CCDC180: variants seen among roughly 807,000 people sequenced by gnomAD.
The protein encoded by CCDC180 is coiled-coil domain-containing protein 180.
A neutral mutation model predicts 209.2 loss-of-function variants in CCDC180; 154 were observed. The observed-to-expected ratio is 0.74, with a 90% CI of 0.65 to 0.84. The LOEUF is 0.84. Among genes scored for constraint, CCDC180 ranks in the 40% least tolerant of loss-of-function variants. The probability of loss-of-function intolerance (pLI) is 0.00; values close to 1 mark genes in which losing one functional copy is unlikely to be tolerated. For synonymous variants in CCDC180, 778 were observed against 749.1 expected (o/e 1.04, Z -0.63); for missense variants, 1,874 against 1,997.3 (o/e 0.94, Z 1.18).
intron 33 of CCDC180, 98 bp from the exon 34 acceptor site, chr9:97,371,497 C>T: frequency 3.1e-6 from 2 of 650,044 alleles, no homozygotes; most frequent in Non-Finnish European, 5.3e-6. Context: ...TGGCTTGGGT[C>T]CCCAGATCTC....
At chr9:97,317,682 G>A (rs926134587) in intron 9 of CCDC180, among the ~76,000 whole-genome samples, 1 of 152,128 alleles carries the variant, frequency 6.6e-6, no homozygotes, top group Non-Finnish European at 1.5e-5. Context: ...CCCTCCCATG[G>A]GAGGAGGTGT....
chr9:97,330,260 G>C, intron 17 of CCDC180, 62 bp from the exon 18 acceptor site: 1 of 1,606,052 alleles, frequency 6.2e-7, no homozygotes, highest in East Asian at 2.2e-5. Context: ...GGGTTGGGAG[G>C]CCCAATCCAG....
At position 97,318,363 on chromosome 9, in the gene CCDC180, G is replaced by A. The variant is rs1040257762; in HGVS notation, c.960-100G>A. 14 of 1,425,852 alleles carry A rather than the reference G, an allele frequency of 9.8e-6. No homozygotes were observed. The African/African-American group carries it at 1.8e-4, about 19-fold the overall frequency. The allele number at this position is 1,425,852 out of a possible 1,614,324, so 88.3% of individuals were successfully genotyped here. A position where few individuals can be genotyped will look rare whatever the true frequency, so the allele number is the denominator to read the frequency against. The stretch of plus-strand genomic sequence containing the variant: ...CTGGGGGTGGTGTTAGGGAAGGAGT[G>A]CTGAGGCTCTGAATGCTGTCACCAT... On this transcript the variant is annotated intron_variant, in intron 9 of 36. Coordinates refer to ENST00000529487, the MANE Select transcript of CCDC180 (RefSeq NM_020893.6).
intron 11 of CCDC180, among the ~76,000 whole-genome samples, chr9:97,321,193 GTA>G (rs1439514973): frequency 6.6e-6 from 1 of 152,178 alleles, no homozygotes; most frequent in African/African-American, 2.4e-5. Flanking sequence ...GGTAGGTTAG[GTA>G]TATTAAATGC....
At chr9:97,318,133 C>T (rs567561632) in intron 9 of CCDC180, among the ~76,000 whole-genome samples, 13 of 152,264 alleles carry the variant, frequency 8.5e-5, no homozygotes, top group African/African-American at 2.6e-4. Flanking sequence ...AAGGACTTGA[C>T]CAAAGTTACA....
intron 9 of CCDC180, among the ~76,000 whole-genome samples, chr9:97,318,103 A>G (rs1241718777): frequency 6.6e-6 from 1 of 152,198 alleles, no homozygotes; most frequent in Admixed American, 6.5e-5. Flanking sequence ...AGAAGAAGAA[A>G]CTGAGGTTCA....
chr9:97,347,915 C>T lies in CCDC180; in HGVS notation c.2674+426C>T, dbSNP rs541875588. Among the ~76,000 whole-genome samples, 5 of 152,268 alleles carry T rather than the reference C, an allele frequency of 3.3e-5. No individual in the cohort carries two copies. In the South Asian group the frequency reaches 1.0e-3, roughly 32 times the overall value. On this transcript the variant is annotated intron_variant, in intron 20 of 36. Coordinates refer to ENST00000529487, the MANE Select transcript of CCDC180 (RefSeq NM_020893.6). ...TATACAGCTTACCTGACCTCTCTGA[C>T]TCCTCTCTCACCTGCAGAAGGGGTT...
At chr9:97,354,504 A>T in intron 22 of CCDC180, 65 bp from the exon 23 acceptor site, 1 of 1,532,856 alleles carries the variant, frequency 6.5e-7, no homozygotes, top group East Asian at 2.3e-5. Flanking sequence ...CAGCCACAGT[A>T]TTTGGGATAG....
chr9:97,334,533 A>G (rs929610056), intron 18 of CCDC180, among the ~76,000 whole-genome samples: 2 of 152,186 alleles, frequency 1.3e-5, no homozygotes, highest in Admixed American at 1.3e-4. Flanking sequence ...TGCCTTCTCA[A>G]ACCAATGCTA....
At chr9:97,345,892 A>G (rs920680794) in intron 19 of CCDC180, 1 of 153,246 alleles carries the variant, frequency 6.5e-6, no homozygotes, top group Non-Finnish European at 1.5e-5. Context: ...ATTTCTAATA[A>G]GGTCCAATTC....
At chr9:97,361,919 C>T in intron 27 of CCDC180, 21 bp downstream of exon 27, 1 of 1,609,610 alleles carries the variant, frequency 6.2e-7, no homozygotes, top group Non-Finnish European at 8.5e-7. Flanking sequence ...CCAGGGTGCA[C>T]CTAAGGCTCT....
Position 97,366,833 on chromosome 9 carries a change from C to A in CCDC180, c.4189+133C>A, listed in dbSNP as rs1335987262. The A allele has an allele frequency of 5.5e-6, 5 of 903,968 alleles. No homozygotes were observed. The African/African-American group carries it at 6.8e-5, about 12-fold the overall frequency. The allele number at this position is 903,968 out of a possible 1,614,324, so 56.0% of individuals were successfully genotyped here. On this transcript the variant is annotated intron_variant, in intron 31 of 36. Coordinates refer to ENST00000529487, the MANE Select transcript of CCDC180 (RefSeq NM_020893.6). This position sits in a 1 kb window ranked among gnomAD's most constrained non-coding sequence, Gnocchi z 4.3. Reference sequence around the variant, plus strand: ...AAGAGCTTCCCTGTGAAAAGCTGACCTCTTAAAATTAGGTAAAAACAATAA... The same window carrying A: ...AAGAGCTTCCCTGTGAAAAGCTGACATCTTAAAATTAGGTAAAAACAATAA...
At chr9:97,313,195 G>A in intron 4 of CCDC180, 41 bp from the exon 5 acceptor site, 1 of 1,357,230 alleles carries the variant, frequency 7.4e-7, no homozygotes, top group Admixed American at 1.7e-5. Flanking sequence ...TTTCCTGAGA[G>A]CTCTGAAGGC....
rs1415940752 is a variant in CCDC180, at chr9:97,378,443, C to G, written c.*1549C>G. 3 of 152,350 alleles carry G rather than the reference C, an allele frequency of 2.0e-5. No homozygotes were observed. The highest frequency in any genetic ancestry group is 2.0e-4 in the Admixed American group (3 of 15,304). 9.4% of individuals were successfully genotyped at this position (152,350 alleles called of 1,614,324 possible). On this transcript the variant is annotated 3_prime_UTR_variant, in exon 37 of 37. Coordinates refer to ENST00000529487, the MANE Select transcript of CCDC180 (RefSeq NM_020893.6). ...ACATGTTCTAAACACACGGTCCTTG[C>G]ACACATACACAACTTGAGACCAACA...
rs1832839776 is a variant in CCDC180 at position 97,307,701 on chromosome 9, C to T, written c.-187C>T. 1.3e-6 allele frequency: 2 copies of T among 1,599,866 alleles called. No homozygotes were observed. The highest frequency in any genetic ancestry group is 1.7e-4 in the Middle Eastern group (1 of 6,034). ...CCCCGAAGAGCATGGCAGAGTGAAG[C>T]ACAAGCAATAATCCTGTATTATTCG... is the stretch of plus-strand genomic sequence containing the variant. On this transcript the variant is annotated 5_prime_UTR_variant, in exon 1 of 37. Transcript: ENST00000529487.
At chr9:97,307,653 C>A, upstream of CCDC180, 1 of 1,357,304 alleles carries the variant, frequency 7.4e-7, no homozygotes, top group Non-Finnish European at 1.0e-6. Flanking sequence ...TCCCAACCGA[C>A]ACCTTGAGCG....
intron 18 of CCDC180, among the ~76,000 whole-genome samples, chr9:97,342,801 GCAGA>G (rs1233186377): frequency 2.0e-5 from 3 of 152,112 alleles, no homozygotes; most frequent in Admixed American, 6.6e-5. Flanking sequence ...ATTCAAGCTG[GCAGA>G]CAGAGCTCTC....
chr9:97,370,482 C>T (rs973527060), intron 32 of CCDC180, among the ~76,000 whole-genome samples, 159 bp from the exon 33 acceptor site: 2 of 151,968 alleles, frequency 1.3e-5, no homozygotes, highest in South Asian at 4.2e-4. Flanking sequence ...AGCCATGCCC[C>T]CCTCTTAACC....
chr9:97,311,692 G>A (rs973404174), intron 3 of CCDC180, among the ~76,000 whole-genome samples: 1 of 152,190 alleles, frequency 6.6e-6, no homozygotes, highest in Non-Finnish European at 1.5e-5. Context: ...TGGAAAATGA[G>A]GTTACCTCAA....
Sources: gnomAD v4.1 joint callset for allele counts (sites outside exome capture counted in the v4.1 genomes callset) on GRCh38, gnomAD v4.1.1 for gene constraint, Gnocchi (gnomAD v3.1) non-coding constraint, MANE v1.5 for transcripts, NCBI Gene and HGNC (gene_info 2026-07-23, HGNC 2026-07-21) for gene names.